The following TMEM135 variants were observed in gnomAD, a reference collection of about 807,000 sequenced individuals.
TMEM135 encodes the protein peroxisomal membrane protein 52.
TMEM135 carries 30 observed loss-of-function variants against 60.3 expected under a neutral mutation model. The ratio of observed to expected loss-of-function variants is 0.50; its 90% CI spans 0.37 to 0.68. The LOEUF is 0.68. Ranked by LOEUF, TMEM135 falls within the 30% of genes least tolerant of loss-of-function variation. The pLI, the probability that TMEM135 is intolerant of heterozygous loss-of-function variation, is 0.00. For missense variants in TMEM135, 468 were observed against 548.8 expected (o/e 0.85, Z 1.47); for synonymous variants, 190 against 186.7 (o/e 1.02, Z -0.14).
intron 4 of TMEM135, among the ~76,000 whole-genome samples, chr11:87,097,197 A>T (rs1260484731): frequency 1.3e-5 from 2 of 152,040 alleles, no homozygotes; most frequent in Non-Finnish European, 2.9e-5. Flanking sequence ...GGGTTTCACC[A>T]TGTTGGTCAG....
chr11:87,098,591 T>TCCCTA (rs1470128291), intron 4 of TMEM135, among the ~76,000 whole-genome samples: 1 of 152,058 alleles, frequency 6.6e-6, no homozygotes, highest in Non-Finnish European at 1.5e-5. Context: ...TAAACTTAAA[T>TCCCTA]TATTAAGTGA....
At chr11:87,262,365 A>G (rs1293571202) in intron 6 of TMEM135, among the ~76,000 whole-genome samples, 1 of 152,166 alleles carries the variant, frequency 6.6e-6, no homozygotes, top group African/African-American at 2.4e-5. Context: ...TTTCGCTCCA[A>G]GAGTGCTTAT....
intron 5 of TMEM135, among the ~76,000 whole-genome samples, chr11:87,195,948 G>T (rs1316217605): frequency 6.6e-6 from 1 of 152,028 alleles, no homozygotes; most frequent in African/African-American, 2.4e-5. Flanking sequence ...TGTATGGAAT[G>T]ATACCATTAA....
At chr11:87,150,615 T>C (rs1938534695) in intron 4 of TMEM135, among the ~76,000 whole-genome samples, 1 of 152,234 alleles carries the variant, frequency 6.6e-6, no homozygotes, top group Non-Finnish European at 1.5e-5. Flanking sequence ...TTATGTTTTT[T>C]TCATAGTTAA....
At chr11:87,183,135 A>ATTTTTTTT (rs772123636) in intron 5 of TMEM135, among the ~76,000 whole-genome samples, 5 of 92,610 alleles carry the variant, frequency 5.4e-5, no homozygotes, top group African/African-American at 8.8e-5. Flanking sequence ...GTAATCACTA[A>ATTTTTTTT]TTTTTTTTTT....
chr11:87,160,831 T>C (rs895975634), intron 5 of TMEM135, among the ~76,000 whole-genome samples: 7 of 152,202 alleles, frequency 4.6e-5, no homozygotes, highest in Non-Finnish European at 8.8e-5. Context: ...TATAAAGTCC[T>C]GTATAAGGAG....
intron 4 of TMEM135, among the ~76,000 whole-genome samples, chr11:87,135,282 G>A (rs1938058352): frequency 6.6e-6 from 1 of 151,782 alleles, no homozygotes; most frequent in Non-Finnish European, 1.5e-5. Context: ...TTCACTTGAT[G>A]TGTATCTAAG....
intron 4 of TMEM135, among the ~76,000 whole-genome samples, chr11:87,147,344 A>G (rs532941998): frequency 1.3e-5 from 2 of 152,204 alleles, no homozygotes; most frequent in African/African-American, 2.4e-5. Context: ...ACAAACAAAC[A>G]AAACTTTTAG....
intron 5 of TMEM135, among the ~76,000 whole-genome samples, chr11:87,158,885 A>G (rs1387420766): frequency 2.0e-5 from 3 of 152,224 alleles, no homozygotes; most frequent in Admixed American, 6.5e-5. Flanking sequence ...TACAGCAATA[A>G]GGTCAGATGT....
intron 6 of TMEM135, among the ~76,000 whole-genome samples, chr11:87,285,425 C>A (rs535471236): frequency 6.6e-6 from 1 of 152,066 alleles, no homozygotes; most frequent in African/African-American, 2.4e-5. Context: ...TTCTGATGTT[C>A]GGATGTGTTC....
chr11:87,147,003 C>T (rs1031435121), intron 4 of TMEM135, among the ~76,000 whole-genome samples: 4 of 151,906 alleles, frequency 2.6e-5, no homozygotes, highest in Admixed American at 6.6e-5. Flanking sequence ...ATGATGCCTA[C>T]GTGATTAAAG....
intron 4 of TMEM135, among the ~76,000 whole-genome samples, chr11:87,102,803 C>T (rs1857494340): frequency 1.3e-5 from 2 of 150,574 alleles, no homozygotes; most frequent in South Asian, 4.2e-4. Context: ...AGTTGTCAGA[C>T]ATTTGAAATT....
chr11:87,247,946 G>A lies in TMEM135; in HGVS notation c.509+11262G>A, dbSNP rs868569045. Reference sequence around the variant, plus strand: ...AATGCAGAAATCACCCGTCTTCTGCGTCGCTCACACTGGGGGCTTTAGACT... The same window carrying A: ...AATGCAGAAATCACCCGTCTTCTGCATCGCTCACACTGGGGGCTTTAGACT... On this transcript the variant is annotated intron_variant, in intron 6 of 14. Coordinates refer to ENST00000305494, the MANE Select transcript of TMEM135 (RefSeq NM_022918.4). 7.1e-4 allele frequency among the ~76,000 whole-genome samples: 108 copies of A among 151,496 alleles called. No homozygotes were observed. In the Middle Eastern group the frequency reaches 0.014, roughly 19 times the overall value.
At chr11:87,130,007 A>T (rs952945295) in intron 4 of TMEM135, among the ~76,000 whole-genome samples, 1 of 152,160 alleles carries the variant, frequency 6.6e-6, no homozygotes, top group South Asian at 2.1e-4. Context: ...ATACTCCAAG[A>T]TAATGATTTT....
chr11:87,140,637 T>A (rs1938237534), intron 4 of TMEM135, among the ~76,000 whole-genome samples: 1 of 152,170 alleles, frequency 6.6e-6, no homozygotes, highest in East Asian at 1.9e-4. Flanking sequence ...GATGGTATAA[T>A]CTGCAGTGAT....
rs914283575 is a variant in TMEM135 at position 87,114,780 on chromosome 11, C to T, written c.396+23385C>T. 5.3e-5 allele frequency among the ~76,000 whole-genome samples: 8 copies of T among 152,196 alleles called. No individual in the cohort carries two copies. In the South Asian group the frequency reaches 1.4e-3, roughly 28 times the overall value. ...GGTGGGCAAAAGAACACAGTATTGG[C>T]ACTGCCTGAGAACTGAGGGGCATAG... On this transcript the variant is annotated intron_variant, in intron 4 of 14. Transcript: ENST00000305494.
At chr11:87,139,434 C>A (rs527585377) in intron 4 of TMEM135, among the ~76,000 whole-genome samples, 2 of 152,066 alleles carry the variant, frequency 1.3e-5, no homozygotes, top group Non-Finnish European at 2.9e-5. Context: ...CCCCTCTTTC[C>A]CCTTTGCGGT....
intron 2 of TMEM135, among the ~76,000 whole-genome samples, chr11:87,069,691 T>G (rs1044878000): frequency 7.9e-5 from 12 of 152,242 alleles, no homozygotes; most frequent in African/African-American, 2.9e-4. Context: ...AACATTCATG[T>G]TCTCCCTATA....
At chr11:87,153,224 A>C (rs564092918) in intron 4 of TMEM135, among the ~76,000 whole-genome samples, 57 of 152,276 alleles carry the variant, frequency 3.7e-4, no homozygotes, top group African/African-American at 1.3e-3. Flanking sequence ...CATGCACCCT[A>C]TTCTTGTCTC....
Sources: gnomAD v4.1 joint callset for allele counts (sites outside exome capture counted in the v4.1 genomes callset) on GRCh38, gnomAD v4.1.1 for gene constraint, MANE v1.5 for transcripts, NCBI Gene and HGNC (gene_info 2026-07-23, HGNC 2026-07-21) for gene names.